TBC1D14: variants seen among roughly 807,000 people sequenced by gnomAD.
TBC1D14 encodes TBC1 domain family, member 14.
A neutral mutation model predicts 79.0 loss-of-function variants in TBC1D14; 26 were observed. The observed-to-expected ratio is 0.33, with a 90% CI of 0.24 to 0.46. TBC1D14 has a LOEUF of 0.46. Ranked by LOEUF, TBC1D14 falls within the 20% of genes least tolerant of loss-of-function variation. The pLI, the probability that TBC1D14 is intolerant of heterozygous loss-of-function variation, is 1.00. For missense variants in TBC1D14, 769 were observed against 887.6 expected (o/e 0.87, Z 1.70); for synonymous variants, 394 against 349.9 (o/e 1.13, Z -1.40).
chr4:6,949,420 C>T (rs1258834922), intron 2 of TBC1D14, among the ~76,000 whole-genome samples: 1 of 152,182 alleles, frequency 6.6e-6, no homozygotes, highest in African/African-American at 2.4e-5. Context: ...CAGTGGCTCA[C>T]GCCTATAATC....
At chr4:6,989,624 C>T (rs1050686701) in intron 3 of TBC1D14, among the ~76,000 whole-genome samples, 1 of 152,208 alleles carries the variant, frequency 6.6e-6, no homozygotes, top group Non-Finnish European at 1.5e-5. Context: ...TTGCCCCTGT[C>T]GAGTGAGCCC....
Position 6,923,388 on chromosome 4 carries a change from A to T in TBC1D14, c.-2A>T. 1 of 1,588,882 alleles carries T rather than the reference A, an allele frequency of 6.3e-7. No individual in the cohort carries two copies. The highest frequency in any genetic ancestry group is 8.6e-7 in the Non-Finnish European group (1 of 1,166,018). On this transcript the variant is annotated 5_prime_UTR_variant, in exon 2 of 14. In the 5' UTR this introduces an upstream ATG that the reference lacks. Transcript: ENST00000409757. ...TTTTTTCTAGTTTCTCCTTGGACCA[A>T]GATGACTGATGGAAAACTCTCCACC...
chr4:6,999,387 CT>C (rs1256971569), intron 6 of TBC1D14, among the ~76,000 whole-genome samples, 185 bp downstream of exon 6: 1 of 152,108 alleles, frequency 6.6e-6, no homozygotes. Flanking sequence ...GTGATAGCCC[CT>C]TCCCCTCCCT....
At chr4:6,922,519 C>A (rs1723947838) in intron 1 of TBC1D14, among the ~76,000 whole-genome samples, 1 of 152,176 alleles carries the variant, frequency 6.6e-6, no homozygotes, top group Non-Finnish European at 1.5e-5. Context: ...AAAGGGGATA[C>A]TACACCCAGC....
intron 2 of TBC1D14, among the ~76,000 whole-genome samples, chr4:6,928,881 T>A (rs1724493103): frequency 6.6e-6 from 1 of 152,184 alleles, no homozygotes; most frequent in African/African-American, 2.4e-5. Context: ...TGGGACGCAC[T>A]GGGCACATCG....
chr4:7,001,102 T>G (rs751026872), intron 6 of TBC1D14, 43 bp from the exon 7 acceptor site: 2 of 1,568,298 alleles, frequency 1.3e-6, no homozygotes, highest in Non-Finnish European at 1.8e-6. Flanking sequence ...ACAAATGTCT[T>G]TGTGTGGAAC....
At chr4:6,966,672 C>G (rs1210139188) in intron 2 of TBC1D14, among the ~76,000 whole-genome samples, 2 of 152,200 alleles carry the variant, frequency 1.3e-5, no homozygotes, top group East Asian at 1.9e-4. Flanking sequence ...TGTCATGTGG[C>G]TAATGAATGG....
At chr4:6,923,270 C>T (rs1287513451) in intron 1 of TBC1D14, 103 bp from the exon 2 acceptor site, 5 of 1,331,498 alleles carry the variant, frequency 3.8e-6, no homozygotes, top group Non-Finnish European at 5.1e-6. Flanking sequence ...CTTTTCAAGG[C>T]TTTCTCCCTT....
intron 3 of TBC1D14, among the ~76,000 whole-genome samples, chr4:6,980,174 T>A (rs1195290531): frequency 6.6e-6 from 1 of 152,034 alleles, no homozygotes; most frequent in East Asian, 1.9e-4. Context: ...GCTTAAAAAT[T>A]TCAAAAGGAT....
chr4:6,988,865 TTTTC>T lies in TBC1D14; in HGVS notation c.844-5299_844-5296del, dbSNP rs1187016735. On this transcript the variant is annotated intron_variant, in intron 3 of 13. Transcript: ENST00000409757. ...GTCTTTCTACCAGGAGTACTTTCTT[TTTTC>T]TTTCTTTCTTTCTTTCTTTTTTTTT... 4.4e-4 allele frequency among the ~76,000 whole-genome samples: 63 copies of T among 143,286 alleles called. No individual in the cohort carries two copies. In the East Asian group the frequency reaches 5.6e-3, roughly 13 times the overall value. 94.0% of individuals were successfully genotyped at this position (143,286 alleles called of 152,430 possible).
At chr4:7,004,972 G>C in intron 8 of TBC1D14, 48 bp downstream of exon 8, 1 of 1,544,940 alleles carries the variant, frequency 6.5e-7, no homozygotes, top group Non-Finnish European at 8.9e-7. Context: ...AATTATGTTT[G>C]TCATTCTTTA....
intron 2 of TBC1D14, among the ~76,000 whole-genome samples, chr4:6,945,749 CAAAAAAAAAAAAAAAAAAAAAA>C (rs71173472): frequency 2.3e-4 from 15 of 64,134 alleles, no homozygotes; most frequent in African/African-American, 1.0e-3. Context: ...AACTGCGTCT[CAAAAAAAAAAAAAAAAAAAAAA>C]AAAAAAAAAA....
intron 3 of TBC1D14, among the ~76,000 whole-genome samples, chr4:6,978,589 G>A (rs1224169895): frequency 6.7e-6 from 1 of 148,786 alleles, no homozygotes; most frequent in Non-Finnish European, 1.5e-5. Flanking sequence ...AAGTACCCAG[G>A]GACACAAACA....
chr4:6,939,791 G>A (rs762556517), intron 2 of TBC1D14, among the ~76,000 whole-genome samples: 2 of 152,158 alleles, frequency 1.3e-5, no homozygotes, highest in Non-Finnish European at 2.9e-5. Context: ...GCTGGGAGAG[G>A]CTCCACTTTA....
rs181537508 is a variant in TBC1D14, at chr4:7,015,814, A to G, written c.1757+1257A>G. Among the ~76,000 whole-genome samples, 224 of 152,308 alleles carry G rather than the reference A, an allele frequency of 1.5e-3. 1 individual carries two copies. The highest frequency in any genetic ancestry group is 5.2e-3 in the African/African-American group (217 of 41,568). On this transcript the variant is annotated intron_variant, in intron 12 of 13. Coordinates refer to ENST00000409757, the MANE Select transcript of TBC1D14 (RefSeq NM_020773.3). ...GCTCCCAGTTCCTTATCTGGAGGCC[A>G]CAGTGATTCACCCCACAGGGTGCTG...
At chr4:6,918,803 G>C (rs1051346578) in intron 1 of TBC1D14, among the ~76,000 whole-genome samples, 5 of 152,210 alleles carry the variant, frequency 3.3e-5, no homozygotes, top group African/African-American at 1.2e-4. Context: ...GCTCTTAACT[G>C]TGTGCTAAAA....
chr4:6,932,190 T>C (rs1711822206), intron 2 of TBC1D14, among the ~76,000 whole-genome samples: 1 of 151,938 alleles, frequency 6.6e-6, no homozygotes, highest in Non-Finnish European at 1.5e-5. Flanking sequence ...TGAAACCCTG[T>C]CTCTACTAAA....
intron 3 of TBC1D14, among the ~76,000 whole-genome samples, chr4:6,990,798 G>A (rs963077688): frequency 2.0e-5 from 3 of 152,172 alleles, no homozygotes; most frequent in African/African-American, 7.2e-5. Flanking sequence ...GAGACAAGAC[G>A]ACTCACCCAA....
chr4:6,965,760 C>CA (rs1715647543), intron 2 of TBC1D14, among the ~76,000 whole-genome samples: 1 of 152,186 alleles, frequency 6.6e-6, no homozygotes, highest in South Asian at 2.1e-4. Flanking sequence ...AGGTGAGTCT[C>CA]AAACTCTTGG....
Sources: gnomAD v4.1 joint callset for allele counts (sites outside exome capture counted in the v4.1 genomes callset) on GRCh38, gnomAD v4.1.1 for gene constraint, MANE v1.5 for transcripts, NCBI Gene and HGNC (gene_info 2026-07-23, HGNC 2026-07-21) for gene names.